The following SZT2 variants were observed in gnomAD, a reference collection of about 807,000 sequenced individuals.
SZT2 encodes KICSTOR complex protein SZT2.
A neutral mutation model predicts 404.2 loss-of-function variants in SZT2; 216 were observed. That is an observed-to-expected ratio of 0.53 (90% confidence interval 0.48 to 0.60). SZT2 has a LOEUF of 0.60. Among genes scored for constraint, SZT2 ranks in the 20% least tolerant of loss-of-function variants. The pLI is 0.00. For synonymous variants in SZT2, 1,693 were observed against 1,749.9 expected, an observed-to-expected ratio of 0.97 and a Z score of 0.81; for missense variants, 3,857 against 4,459.2, an observed-to-expected ratio of 0.86 and a Z score of 3.85.
chr1:43,442,671 A>G lies in SZT2; in HGVS notation c.8151+53A>G. On this transcript the variant is annotated intron_variant, in intron 58 of 71. Coordinates refer to ENST00000634258, the MANE Select transcript of SZT2 (RefSeq NM_001365999.1). This position sits in a 1 kb window ranked among gnomAD's most constrained non-coding sequence, Gnocchi z 4.5. The stretch of plus-strand genomic sequence containing the variant: ...GTTTTGGCTACTGAGGGGTCAGTTA[A>G]AGGAAAAACCAGCTCAGAAGCCAGA... 6.5e-7 allele frequency: 1 copy of G among 1,545,808 alleles called. No homozygotes were observed. The highest frequency in any genetic ancestry group is 8.7e-7 in the Non-Finnish European group (1 of 1,147,204).
At position 43,420,218 on chromosome 1, in the gene SZT2, C is replaced by A; in HGVS notation, c.1156C>A (p.Arg386Ser). ...AAGCAGCAACCCTGCCCTGGCCTTG[C>A]GCCGGAAGAAGCACACTGAGAAGGA... ...SASSNPALAL[R>S]RKKHTEKEVP... The change falls in exon 9 of 72, where the codon CGC (arginine) becomes AGC (serine). Residue 386 changes from arginine to serine, a missense_variant. Arg to Ser is a moderately radical substitution (Grantham distance 110). This residue lies in a region of SZT2 where 536 missense variants were observed against 637.4 expected (regional missense o/e 0.84). Coordinates refer to ENST00000634258, the MANE Select transcript of SZT2 (RefSeq NM_001365999.1). This position sits in a 1 kb window ranked among gnomAD's most constrained non-coding sequence, Gnocchi z 5.1. 1 of 1,598,456 alleles carries A rather than the reference C, an allele frequency of 6.3e-7. No homozygotes were observed. Among genetic ancestry groups the A allele is most frequent in the Non-Finnish European group, 8.5e-7 (1 of 1,179,812 alleles).
In SZT2 at chr1:43,435,209, C is replaced by T. The variant is rs1314720013; in HGVS notation, c.5914C>T (p.Leu1972Phe). Residue 1972 changes from leucine (L) to phenylalanine (F), a missense_variant, in exon 42 of 72, where the codon CTT (leucine) becomes TTT (phenylalanine). Leu to Phe is a conservative substitution (Grantham distance 22). Transcript: ENST00000634258. ...ICREVNQRLLLQDLHDSHVCN... is the reference protein window; with the variant it reads ...ICREVNQRLLFQDLHDSHVCN... ...ATGCTCCTTCTCCCAGCGACTGCTT[C>T]TTCAAGACCTTCATGACAGCCACGT... 6.2e-7 allele frequency: 1 copy of T among 1,614,072 alleles called. No individual in the cohort carries two copies.
rs201767217 is a variant in SZT2 at position 43,427,358 on chromosome 1, G to T, written c.3511G>T (p.Gly1171Trp). 132 of 1,613,974 alleles carry T rather than the reference G, an allele frequency of 8.2e-5. No individual in the cohort carries two copies. The highest frequency in any genetic ancestry group is 6.6e-4 in the Middle Eastern group (4 of 6,082). ...ETKPKFGDWS[G>W]APSLKDLGGT... ...AAAGCCTAAGTTTGGGGATTGGAGT[G>T]GGGCTCCCAGTCTGAAAGATCTAGG... The change falls in exon 25 of 72, where the codon GGG becomes TGG. Residue 1171 changes from glycine (G) to tryptophan (W), a missense_variant. Around this residue, in one of 7 missense-constraint regions of SZT2, gnomAD observed 1,725 missense variants for 1,881.0 expected, o/e 0.92. Transcript: ENST00000634258.
In SZT2 at chr1:43,449,878, T is replaced by C. The variant is rs1309893174; in HGVS notation, c.10087-225T>C. 2.3e-5 allele frequency: 14 copies of C among 613,658 alleles called. No homozygotes were observed. In the East Asian group the frequency reaches 3.9e-4, roughly 17 times the overall value. The allele number at this position is 613,658 out of a possible 1,614,324, so 38.0% of individuals were successfully genotyped here. On this transcript the variant is annotated intron_variant, in intron 70 of 71. Transcript: ENST00000634258. ...CAGGCTCTGTGTGGGGCCTCCAGGA[T>C]CAACTGTTACCCCTCATTCTGATGC...
chr1:43,440,496 C>A lies in SZT2; in HGVS notation c.7254C>A (p.Gly2418=), dbSNP rs1214896588. The change falls in exon 52 of 72, where the codon GGC becomes GGA. Residue 2418 remains glycine (G), a synonymous_variant. Coordinates refer to ENST00000634258, the MANE Select transcript of SZT2 (RefSeq NM_001365999.1). ...CGTTGGAAACTAAGAGCTCTGCAGGCCGAGCTAGCACCTTTCCCCCTGCCC... is the reference window on the plus strand; with the variant it reads ...CGTTGGAAACTAAGAGCTCTGCAGGACGAGCTAGCACCTTTCCCCCTGCCC... ...NGSLETKSSA[G]RASTFPPAPV... The A allele has an allele frequency of 2.5e-6, 4 of 1,607,608 alleles. No homozygotes were observed. Among genetic ancestry groups the A allele is most frequent in the Non-Finnish European group, 3.4e-6 (4 of 1,177,170 alleles).
In SZT2 at chr1:43,443,391, G is replaced by A. The variant is rs1655294146; in HGVS notation, c.8539G>A (p.Val2847Met). ...LETLKQSSRL[V>M]HYCATAMLFD... ...GACCCTGAAGCAGTCATCCCGCCTG[G>A]TGCATTACTGTGCAACAGCCATGCT... is the stretch of plus-strand genomic sequence containing the variant. Residue 2847 changes from valine to methionine, a missense_variant, in exon 61 of 72, where the codon GTG becomes ATG. By Grantham distance (21) the Val-to-Met change is conservative. Around this residue, in one of 7 missense-constraint regions of SZT2, gnomAD observed 717 missense variants for 868.2 expected, o/e 0.83. Coordinates refer to ENST00000634258, the MANE Select transcript of SZT2 (RefSeq NM_001365999.1). 3 of 1,614,008 alleles carry A rather than the reference G, an allele frequency of 1.9e-6. No individual in the cohort carries two copies. Among genetic ancestry groups the A allele is most frequent in the African/African-American group, 1.3e-5 (1 of 74,910 alleles).
chr1:43,433,087 C>T lies in SZT2; in HGVS notation c.5701C>T (p.Pro1901Ser), dbSNP rs2153934290. The T allele has an allele frequency of 1.9e-6, 3 of 1,614,194 alleles. No individual in the cohort carries two copies. In the South Asian group the frequency reaches 3.3e-5, roughly 18 times the overall value. ...ATTGCGGACTCCACCTGGGCCAGCA[C>T]CTCCACAGCCTTCACTCTCAGGCCT... ...FTLRTPPGPA[P>S]PQPSLSGLPG... The change falls in exon 40 of 72, where the codon CCT becomes TCT. Residue 1901 changes from proline to serine, a missense_variant. Physicochemically the swap from Pro to Ser is moderately conservative, Grantham distance 74. Transcript: ENST00000634258.
In SZT2 at chr1:43,426,915, C is replaced by A. The variant is rs1240188003; in HGVS notation, c.3309+106C>A. On this transcript the variant is annotated intron_variant, in intron 23 of 71. Transcript: ENST00000634258. The surrounding 1 kb of genome is among the most constrained non-coding windows in gnomAD (Gnocchi z 4.9). ...CGCCCTTGAGACTAAATGGCATCTGCCAATGACACAATGCCGTCATTTTCC... is the reference window on the plus strand; with the variant it reads ...CGCCCTTGAGACTAAATGGCATCTGACAATGACACAATGCCGTCATTTTCC... 1.6e-5 allele frequency: 24 copies of A among 1,541,840 alleles called. No homozygotes were observed. The Admixed American group carries it at 4.2e-4, about 27-fold the overall frequency.
At position 43,451,760 on chromosome 1, in the gene SZT2, C is replaced by T; in HGVS notation, c.*1280C>T. 6.2e-7 allele frequency: 1 copy of T among 1,613,910 alleles called. No individual in the cohort carries two copies. The highest frequency in any genetic ancestry group is 2.2e-5 in the East Asian group (1 of 44,874). ...ACATTCCGAGACCCCGCAGGCCCCG[C>T]CCTCCTTCCGATCTGCGAAGTACCC... is the stretch of plus-strand genomic sequence containing the variant. On this transcript the variant is annotated 3_prime_UTR_variant, in exon 72 of 72. Coordinates refer to ENST00000634258, the MANE Select transcript of SZT2 (RefSeq NM_001365999.1).
At chr1:43,449,864 TG>T in intron 70 of SZT2, 1 of 600,074 alleles carries the variant, frequency 1.7e-6, no homozygotes, top group Non-Finnish European at 3.0e-6. Flanking sequence ...AGGCTCTGTG[TG>T]GGGCCTCCAG....
intron 40 of SZT2, 145 bp downstream of exon 40, chr1:43,433,335 G>T: frequency 1.2e-6 from 1 of 808,472 alleles, no homozygotes; most frequent in Non-Finnish European, 1.9e-6. Context: ...TAGGTTGGTG[G>T]TTCCCGATCA....
chr1:43,417,655 G>A (rs1211751125), intron 7 of SZT2, among the ~76,000 whole-genome samples: 1 of 152,172 alleles, frequency 6.6e-6, no homozygotes, highest in Non-Finnish European at 1.5e-5. Context: ...TCACTGGGAG[G>A]TGAGATGCAT....
chr1:43,404,608 A>T, intron 4 of SZT2, 58 bp downstream of exon 4: 1 of 1,554,834 alleles, frequency 6.4e-7, no homozygotes, highest in Non-Finnish European at 8.8e-7. Context: ...TAGTCCTCTG[A>T]CCAAGTCCTT....
At chr1:43,443,151 A>G (rs1478342310) in intron 59 of SZT2, 37 bp from the exon 60 acceptor site, 3 of 1,613,902 alleles carry the variant, frequency 1.9e-6, no homozygotes, top group Non-Finnish European at 2.5e-6. Flanking sequence ...AGGGAGTGAC[A>G]ATGCCTGGGG....
chr1:43,431,280 C>A lies in SZT2; in HGVS notation c.4932C>A (p.Ser1644Arg). 2 of 1,611,500 alleles carry A rather than the reference C, an allele frequency of 1.2e-6. No homozygotes were observed. The highest frequency in any genetic ancestry group is 1.1e-5 in the South Asian group (1 of 90,614). ...DPQHHRSTSE[S>R]SASFPRSPGQ... ...CCCTGTTCAGGTCAACATCTGAAAG[C>A]AGTGCTTCATTTCCACGATCCCCAG... Residue 1644 changes from serine to arginine, a missense_variant, in exon 34 of 72, where the codon AGC (serine) becomes AGA (arginine). Around this residue, in one of 7 missense-constraint regions of SZT2, gnomAD observed 1,725 missense variants for 1,881.0 expected, o/e 0.92. Transcript: ENST00000634258.
Position 43,430,148 on chromosome 1 carries a change from G to A in SZT2, c.4401+45G>A, listed in dbSNP as rs1172714964. ...ACCTCTCTCGTGCCCTCAACCCAGA[G>A]GCCCACCCAGACCCTCTTGAGTCTT... On this transcript the variant is annotated intron_variant, in intron 30 of 71. Coordinates refer to ENST00000634258, the MANE Select transcript of SZT2 (RefSeq NM_001365999.1). 5.6e-6 allele frequency: 9 copies of A among 1,607,962 alleles called. No homozygotes were observed. The South Asian group carries it at 9.9e-5, about 18-fold the overall frequency.
chr1:43,404,421 T>G lies in SZT2; in HGVS notation c.369T>G (p.His123Gln). 6.2e-7 allele frequency: 1 copy of G among 1,614,006 alleles called. No individual in the cohort carries two copies. ...TGEILFDEVF[H>Q]ALSRCLGGLL... ...AGATCTTGTTTGATGAAGTTTTCCA[T>G]GCCCTGTCCCGCTGCTTAGGCGGGC... Residue 123 changes from histidine to glutamine, a missense_variant, in exon 4 of 72, where the codon CAT (histidine) becomes CAG (glutamine). His to Gln is a conservative substitution (Grantham distance 24). Transcript: ENST00000634258.
chr1:43,393,996 C>A lies in SZT2; in HGVS notation c.27+4001C>A, dbSNP rs984680690. 12 of 730,006 alleles carry A rather than the reference C, an allele frequency of 1.6e-5. No homozygotes were observed. The South Asian group carries it at 6.1e-4, about 37-fold the overall frequency. The allele number at this position is 730,006 out of a possible 1,614,324, so 45.2% of individuals were successfully genotyped here. A position where few individuals can be genotyped will look rare whatever the true frequency, so the allele number is the denominator to read the frequency against. On this transcript the variant is annotated intron_variant, in intron 1 of 71. Transcript: ENST00000634258. ...GCAAATGATAGAATCAGATTTGAAT[C>A]CAGGTCCCTGACCCCGAAACTCTAC...
chr1:43,442,449 T>G lies in SZT2; in HGVS notation c.7982T>G (p.Leu2661Arg), dbSNP rs760720353. The G allele has an allele frequency of 6.2e-7, 1 of 1,613,194 alleles. No homozygotes were observed. Among genetic ancestry groups the G allele is most frequent in the East Asian group, 2.2e-5 (1 of 44,850 alleles). ...LLEVVDKKLQ[L>R]LTYNWAPDLG... ...CTGACCCCCGACCTCCAGCTACAGCTGCTGACCTACAACTGGGCTCCAGAC... is the reference window on the plus strand; with the variant it reads ...CTGACCCCCGACCTCCAGCTACAGCGGCTGACCTACAACTGGGCTCCAGAC... Residue 2661 changes from leucine to arginine, a missense_variant, in exon 58 of 72, where the codon CTG becomes CGG. Coordinates refer to ENST00000634258, the MANE Select transcript of SZT2 (RefSeq NM_001365999.1). The surrounding 1 kb of genome is among the most constrained non-coding windows in gnomAD (Gnocchi z 4.5).
Sources: allele counts gnomAD v4.1 joint callset (sites outside exome capture counted in the v4.1 genomes callset), GRCh38; gene constraint gnomAD v4.1.1; regional missense constraint gnomAD v4.1.1; non-coding constraint Gnocchi (gnomAD v3.1); transcripts MANE v1.5; gene names NCBI Gene and HGNC (gene_info 2026-07-23, HGNC 2026-07-21).